KSR2: variants seen among roughly 807,000 people sequenced by gnomAD.
KSR2 encodes kinase suppressor of ras 2.
A neutral mutation model predicts 107.8 loss-of-function variants in KSR2; 25 were observed. That is an observed-to-expected ratio of 0.23 (90% CI 0.17 to 0.32). KSR2 has a LOEUF of 0.32. Ranked by LOEUF, KSR2 falls within the 10% of genes least tolerant of loss-of-function variation. The pLI, the probability that KSR2 is intolerant of heterozygous loss-of-function variation, is 1.00. For synonymous variants in KSR2, 480 were observed against 507.0 expected (o/e 0.95, Z 0.71); for missense variants, 887 against 1,268.9 (o/e 0.70, Z 4.57).
chr12:117,573,554 G>T (rs1304712813), intron 7 of KSR2, among the ~76,000 whole-genome samples: 2 of 145,860 alleles, frequency 1.4e-5, no homozygotes, highest in African/African-American at 5.1e-5. Flanking sequence ...TTGAGATAGG[G>T]TCTCACTCTG....
At chr12:117,873,462 T>C (rs1340166387) in intron 1 of KSR2, among the ~76,000 whole-genome samples, 1 of 35,550 alleles carries the variant, frequency 2.8e-5, no homozygotes, top group African/African-American at 2.6e-4. Flanking sequence ...TTCATGGTGC[T>C]TTTTTTTTTT....
At chr12:117,909,597 T>C (rs1894955356) in intron 1 of KSR2, among the ~76,000 whole-genome samples, 1 of 152,172 alleles carries the variant, frequency 6.6e-6, no homozygotes, top group African/African-American at 2.4e-5. Flanking sequence ...CAATTCTTTT[T>C]CAATTACATC....
intron 4 of KSR2, among the ~76,000 whole-genome samples, chr12:117,735,850 T>A (rs1036591030): frequency 2.6e-5 from 4 of 152,162 alleles, no homozygotes; most frequent in African/African-American, 9.7e-5. Context: ...CTAAGATACA[T>A]CCCCATTAAG....
chr12:117,783,405 A>T (rs77482906), intron 3 of KSR2, among the ~76,000 whole-genome samples: 2,686 of 152,300 alleles, frequency 0.018, 70 homozygotes, highest in African/African-American at 0.062. Context: ...TGATTCACTT[A>T]TCAGAGCCTC....
chr12:117,867,439 C>A (rs1281501153), intron 1 of KSR2, among the ~76,000 whole-genome samples: 1 of 152,172 alleles, frequency 6.6e-6, no homozygotes, highest in Non-Finnish European at 1.5e-5. Flanking sequence ...GACCTGAATC[C>A]TTTACACCCC....
Position 117,741,157 on chromosome 12 carries a change from A to T in KSR2, c.986+19854T>A, listed in dbSNP as rs989693851. On this transcript the variant is annotated intron_variant, in intron 4 of 19. Transcript: ENST00000339824. ...CAAATCTGGGACAATTTGAGCATCAAAATAAATAGCGATAGTAAAGGAGTA... is the reference window on the plus strand; with the variant it reads ...CAAATCTGGGACAATTTGAGCATCATAATAAATAGCGATAGTAAAGGAGTA... Among the ~76,000 whole-genome samples, 4 of 152,328 alleles carry T rather than the reference A, an allele frequency of 2.6e-5. No individual in the cohort carries two copies. In the East Asian group the frequency reaches 7.7e-4, roughly 29 times the overall value.
At chr12:117,567,185 G>A (rs747639668) in intron 7 of KSR2, among the ~76,000 whole-genome samples, 6 of 152,204 alleles carry the variant, frequency 3.9e-5, no homozygotes, top group Non-Finnish European at 5.9e-5. Flanking sequence ...AAGGGCAGAA[G>A]GTGGCACTTC....
chr12:117,704,512 C>G (rs915634964), intron 4 of KSR2, among the ~76,000 whole-genome samples: 3 of 152,164 alleles, frequency 2.0e-5, no homozygotes, highest in African/African-American at 7.2e-5. Flanking sequence ...AATATTTACT[C>G]TGTGGTCCTT....
chr12:117,753,402 C>T (rs995272035), intron 4 of KSR2, among the ~76,000 whole-genome samples: 5 of 152,080 alleles, frequency 3.3e-5, no homozygotes, highest in African/African-American at 1.2e-4. Context: ...GATTTCAGCC[C>T]CATTGAGAAT....
intron 4 of KSR2, among the ~76,000 whole-genome samples, chr12:117,730,387 C>T (rs1157430791): frequency 2.6e-5 from 4 of 151,854 alleles, no homozygotes; most frequent in African/African-American, 9.7e-5. Context: ...GCAATATATC[C>T]TGTCTCTATT....
chr12:117,534,204 T>C (rs1405213949), intron 10 of KSR2, among the ~76,000 whole-genome samples: 3 of 152,122 alleles, frequency 2.0e-5, no homozygotes, highest in Non-Finnish European at 4.4e-5. Flanking sequence ...AGTGGTCTTC[T>C]AGAAGGAAGG....
chr12:117,802,729 T>G (rs1382926962), intron 3 of KSR2, among the ~76,000 whole-genome samples: 5 of 152,176 alleles, frequency 3.3e-5, no homozygotes, highest in African/African-American at 1.2e-4. Flanking sequence ...CACCCCCTTT[T>G]CCCCACAGAT....
intron 14 of KSR2, among the ~76,000 whole-genome samples, chr12:117,495,559 C>T (rs1440017207): frequency 2.0e-5 from 3 of 152,220 alleles, no homozygotes; most frequent in African/African-American, 7.2e-5. Flanking sequence ...ATGACAGTGG[C>T]CTGCCAGGCA....
intron 7 of KSR2, among the ~76,000 whole-genome samples, chr12:117,563,305 C>A (rs1415828571): frequency 6.6e-6 from 1 of 152,068 alleles, no homozygotes; most frequent in Non-Finnish European, 1.5e-5. Flanking sequence ...ATTCTACTTC[C>A]CAGATGAGAG....
chr12:117,599,864 G>A (rs1880838243), intron 5 of KSR2, among the ~76,000 whole-genome samples: 1 of 152,158 alleles, frequency 6.6e-6, no homozygotes, highest in Admixed American at 6.5e-5. Context: ...GACCATGGTG[G>A]GGGAGACAAC....
intron 4 of KSR2, among the ~76,000 whole-genome samples, chr12:117,687,406 G>C (rs1655583114): frequency 1.3e-5 from 2 of 152,174 alleles, no homozygotes; most frequent in Non-Finnish European, 2.9e-5. Context: ...CCTGAAATTA[G>C]TGGGTTTCTT....
chr12:117,794,128 ACCAACATGCACACACC>A lies in KSR2; in HGVS notation c.473-32620_473-32605del, dbSNP rs1327881613. On this transcript the variant is annotated intron_variant, in intron 3 of 19. Transcript: ENST00000339824. ...CACTCACACCAACATGCACACTCAC[ACCAACATGCACACACC>A]CCAACATGCACACATACACCAACAT... 1.0e-4 allele frequency among the ~76,000 whole-genome samples: 12 copies of A among 117,818 alleles called. No homozygotes were observed. In the East Asian group the frequency reaches 1.3e-3, roughly 13 times the overall value. 77.3% of individuals were successfully genotyped at this position (117,818 alleles called of 152,430 possible). A position where few individuals can be genotyped will look rare whatever the true frequency, so the allele number is the denominator to read the frequency against.
chr12:117,685,014 T>C (rs1209505518), intron 4 of KSR2, among the ~76,000 whole-genome samples: 2 of 152,006 alleles, frequency 1.3e-5, no homozygotes, highest in African/African-American at 4.8e-5. Flanking sequence ...AGGGGAGGGG[T>C]AGGGGCTGGT....
chr12:117,506,300 T>C (rs896816603), intron 14 of KSR2, among the ~76,000 whole-genome samples: 4 of 152,216 alleles, frequency 2.6e-5, no homozygotes, highest in African/African-American at 9.6e-5. Flanking sequence ...CCAGGCAGCC[T>C]GGAAGAATTA....
Sources: allele counts gnomAD v4.1 joint callset (sites outside exome capture counted in the v4.1 genomes callset), GRCh38; gene constraint gnomAD v4.1.1; transcripts MANE v1.5; gene names NCBI Gene and HGNC (gene_info 2026-07-23, HGNC 2026-07-21).